The following LSM14A variants were observed in gnomAD, a reference collection of about 807,000 sequenced individuals.
The protein encoded by LSM14A is protein LSM14 homolog A.
In LSM14A, 14 loss-of-function variants were observed where a neutral mutation model predicts 52.4. The ratio of observed to expected loss-of-function variants is 0.27; its 90% CI spans 0.18 to 0.42. The LOEUF is 0.42. Ranked by LOEUF, LSM14A falls within the 10% of genes least tolerant of loss-of-function variation. The probability of loss-of-function intolerance (pLI) is 1.00; values close to 1 mark genes in which losing one functional copy is unlikely to be tolerated. For synonymous variants in LSM14A, 185 were observed against 200.3 expected, an observed-to-expected ratio of 0.92 and a Z score of 0.64; for missense variants, 417 against 581.8, an observed-to-expected ratio of 0.72 and a Z score of 2.91.
At chr19:34,208,781 A>G (rs1232947881) in intron 3 of LSM14A, 148 bp from the exon 4 acceptor site, 3 of 614,016 alleles carry the variant, frequency 4.9e-6, no homozygotes, top group African/African-American at 1.9e-5. Flanking sequence ...TATTCAGTAC[A>G]CTTTAATTTC....
At chr19:34,225,099 T>A (rs1304874801) in intron 9 of LSM14A, among the ~76,000 whole-genome samples, 1 of 152,242 alleles carries the variant, frequency 6.6e-6, no homozygotes, top group Non-Finnish European at 1.5e-5. Context: ...CTCTTGGCTT[T>A]AGTGAATATG....
chr19:34,224,436 GC>G (rs1441879090), intron 9 of LSM14A, among the ~76,000 whole-genome samples: 2 of 152,188 alleles, frequency 1.3e-5, no homozygotes, highest in Non-Finnish European at 2.9e-5. Context: ...ATCATTTTGA[GC>G]CTTTTGTAAA....
At chr19:34,212,233 G>A (rs574838622) in intron 4 of LSM14A, among the ~76,000 whole-genome samples, 1 of 152,184 alleles carries the variant, frequency 6.6e-6, no homozygotes, top group Non-Finnish European at 1.5e-5. Flanking sequence ...GCTGAAGCTA[G>A]AGGATTGCTT....
At chr19:34,204,608 C>G (rs186702873) in intron 3 of LSM14A, among the ~76,000 whole-genome samples, 165 of 151,702 alleles carry the variant, frequency 1.1e-3, no homozygotes, top group Non-Finnish European at 1.9e-3. Context: ...AGTCCTAGCA[C>G]TCAGGAGGCT....
chr19:34,203,281 T>C (rs1456504036), intron 3 of LSM14A, among the ~76,000 whole-genome samples: 1 of 152,226 alleles, frequency 6.6e-6, no homozygotes, highest in Non-Finnish European at 1.5e-5. Flanking sequence ...CATAATCTTA[T>C]GTGCCAGATG....
chr19:34,221,747 T>TA lies in LSM14A; in HGVS notation c.1368+10dup, dbSNP rs748663789. 26 of 1,595,726 alleles carry TA rather than the reference T, an allele frequency of 1.6e-5. No homozygotes were observed. The South Asian group carries it at 2.8e-4, about 17-fold the overall frequency. ...CGGATTTTGAATATAGGGTAAGTGTTACTGTTAATAAATTCTTTGGGGTTG... is the reference window on the plus strand; with the variant it reads ...CGGATTTTGAATATAGGGTAAGTGTTAACTGTTAATAAATTCTTTGGGGTTG... On this transcript the variant is annotated intron_variant, in intron 9 of 9. Coordinates refer to ENST00000544216, the MANE Select transcript of LSM14A (RefSeq NM_015578.4).
chr19:34,211,526 A>C (rs893328792), intron 4 of LSM14A, among the ~76,000 whole-genome samples: 13 of 152,102 alleles, frequency 8.5e-5, no homozygotes, highest in Non-Finnish European at 1.9e-4. Context: ...TAGAAGAACA[A>C]GAACAGTACC....
intron 6 of LSM14A, among the ~76,000 whole-genome samples, chr19:34,219,040 A>G (rs1377530532): frequency 1.3e-5 from 2 of 152,208 alleles, no homozygotes; most frequent in Admixed American, 6.5e-5. Context: ...TGTTGGGGAT[A>G]TAGCAGTAAG....
chr19:34,206,686 A>G (rs1362339252), intron 3 of LSM14A, among the ~76,000 whole-genome samples: 3 of 152,220 alleles, frequency 2.0e-5, no homozygotes, highest in Non-Finnish European at 4.4e-5. Flanking sequence ...AAAGAAAAAA[A>G]GAAAATTCAG....
At chr19:34,218,234 G>A (rs753748131) in intron 6 of LSM14A, among the ~76,000 whole-genome samples, 11 of 152,244 alleles carry the variant, frequency 7.2e-5, no homozygotes, top group South Asian at 4.1e-4. Flanking sequence ...TCGAGCTCCT[G>A]ACCTCGTGAT....
At chr19:34,216,747 C>T (rs1047078036) in intron 6 of LSM14A, among the ~76,000 whole-genome samples, 5 of 152,194 alleles carry the variant, frequency 3.3e-5, no homozygotes, top group Admixed American at 6.5e-5. Context: ...CGTGAGCCAC[C>T]GCACCCAGCC....
rs2073463805 is a variant in LSM14A at position 34,228,800 on chromosome 19, G to T, written c.*1412G>T. On this transcript the variant is annotated 3_prime_UTR_variant, in exon 10 of 10. Coordinates refer to ENST00000544216, the MANE Select transcript of LSM14A (RefSeq NM_015578.4). ...GTGATAAAGATATAGAAACTGCACTGTAGGAGAATTGGAATATTTAAGGCT... is the reference window on the plus strand; with the variant it reads ...GTGATAAAGATATAGAAACTGCACTTTAGGAGAATTGGAATATTTAAGGCT... 6.6e-6 allele frequency: 1 copy of T among 152,612 alleles called. No homozygotes were observed. The highest frequency in any genetic ancestry group is 1.5e-5 in the Non-Finnish European group (1 of 68,038). The allele number at this position is 152,612 out of a possible 1,614,324, so 9.5% of individuals were successfully genotyped here.
chr19:34,205,032 G>A lies in LSM14A; in HGVS notation c.416-3897G>A, dbSNP rs567698697. ...CTGTAGTCCCAGCTATTTGGGAGGC[G>A]GAGGCAGGAGAATCACTTGAGCTGG... On this transcript the variant is annotated intron_variant, in intron 3 of 9. Coordinates refer to ENST00000544216, the MANE Select transcript of LSM14A (RefSeq NM_015578.4). Among the ~76,000 whole-genome samples, 36 of 152,172 alleles carry A rather than the reference G, an allele frequency of 2.4e-4. No individual in the cohort carries two copies. In the South Asian group the frequency reaches 6.4e-3, roughly 27 times the overall value.
chr19:34,185,388 G>C (rs1371661268), intron 1 of LSM14A, among the ~76,000 whole-genome samples: 1 of 152,152 alleles, frequency 6.6e-6, no homozygotes, highest in Non-Finnish European at 1.5e-5. Context: ...CTGAGGGACA[G>C]ATGTTTTCAT....
At position 34,192,323 on chromosome 19, in the gene LSM14A, T is replaced by G. The variant is rs867517345; in HGVS notation, c.122-2155T>G. Among the ~76,000 whole-genome samples the G allele has an allele frequency of 1.2e-4, 12 of 99,200 alleles. 1 individual carries two copies. The highest frequency in any genetic ancestry group is 2.5e-4 in the African/African-American group (6 of 23,758). 65.1% of individuals were successfully genotyped at this position (99,200 alleles called of 152,430 possible). A position where few individuals can be genotyped will look rare whatever the true frequency, so the allele number is the denominator to read the frequency against. On this transcript the variant is annotated intron_variant, in intron 1 of 9. Transcript: ENST00000544216. ...TGAAATAACATTCTTTTTGTTGTTT[T>G]TTTTTTTTTTTTTTTTTTTGGAGTC...
intron 9 of LSM14A, chr19:34,226,464 G>A: frequency 6.6e-7 from 1 of 1,514,104 alleles, no homozygotes; most frequent in East Asian, 2.5e-5. Flanking sequence ...CTTTCTGAAA[G>A]GTAAAAAAAA....
At chr19:34,201,638 GC>G (rs1407746318) in intron 3 of LSM14A, among the ~76,000 whole-genome samples, 2 of 152,010 alleles carry the variant, frequency 1.3e-5, no homozygotes, top group Non-Finnish European at 2.9e-5. Flanking sequence ...ACCATGCCCA[GC>G]CAAATTTAGC....
intron 3 of LSM14A, among the ~76,000 whole-genome samples, chr19:34,199,566 T>C (rs554461738): frequency 1.3e-5 from 2 of 152,216 alleles, no homozygotes; most frequent in African/African-American, 4.8e-5. Context: ...GAAAGAACCC[T>C]GTGGTGCTGA....
intron 1 of LSM14A, among the ~76,000 whole-genome samples, chr19:34,189,072 G>A (rs995738799): frequency 4.6e-5 from 7 of 152,204 alleles, no homozygotes; most frequent in South Asian, 4.1e-4. Flanking sequence ...ACTTCCCTGA[G>A]GGTGGGGACA....
Sources: gnomAD v4.1 joint callset for allele counts (sites outside exome capture counted in the v4.1 genomes callset) on GRCh38, gnomAD v4.1.1 for gene constraint, MANE v1.5 for transcripts, NCBI Gene and HGNC (gene_info 2026-07-23, HGNC 2026-07-21) for gene names.